Variants in FBXL5 observed in about 807,000 individuals in gnomAD.
FBXL5 encodes the protein F-box and leucine rich repeat protein 5.
A neutral mutation model predicts 78.3 loss-of-function variants in FBXL5; 26 were observed. That is an observed-to-expected ratio of 0.33 (90% CI 0.24 to 0.46). The LOEUF (loss-of-function observed/expected upper bound fraction) is 0.46, where lower values mean the gene tolerates loss of function less well. Among genes scored for constraint, FBXL5 ranks in the 20% least tolerant of loss-of-function variants. The pLI, the probability that FBXL5 is intolerant of heterozygous loss-of-function variation, is 1.00. For missense variants in FBXL5, 710 were observed against 829.2 expected, an observed-to-expected ratio of 0.86 and a Z score of 1.77; for synonymous variants, 295 against 282.5, an observed-to-expected ratio of 1.04 and a Z score of -0.45.
intron 6 of FBXL5, 48 bp from the exon 7 acceptor site, chr4:15,628,081 T>TAA: frequency 6.4e-7 from 1 of 1,573,886 alleles, no homozygotes; most frequent in Non-Finnish European, 8.7e-7. Flanking sequence ...CTGATAATAA[T>TAA]TAAGCTACTC....
chr4:15,614,183 G>C (rs928821034), intron 9 of FBXL5, among the ~76,000 whole-genome samples: 1 of 152,216 alleles, frequency 6.6e-6, no homozygotes, highest in Non-Finnish European at 1.5e-5. Context: ...CTTCCTGAGA[G>C]CCAAACTGCT....
chr4:15,612,779 T>A (rs1006859605), intron 9 of FBXL5, among the ~76,000 whole-genome samples: 1 of 152,026 alleles, frequency 6.6e-6, no homozygotes, highest in Non-Finnish European at 1.5e-5. Flanking sequence ...TAAAACCTAA[T>A]AAGCAGTTGG....
chr4:15,616,317 G>A (rs538039019), intron 9 of FBXL5, among the ~76,000 whole-genome samples: 3 of 152,292 alleles, frequency 2.0e-5, no homozygotes, highest in South Asian at 4.1e-4. Context: ...CAGGTCACCC[G>A]GGAAGTGGGG....
At chr4:15,654,333 T>C (rs1054418802) in intron 1 of FBXL5, among the ~76,000 whole-genome samples, 1 of 152,186 alleles carries the variant, frequency 6.6e-6, no homozygotes, top group Non-Finnish European at 1.5e-5. Flanking sequence ...AACTGACAAA[T>C]ACGTGGAATG....
chr4:15,639,863 G>C (rs550297242), intron 3 of FBXL5, among the ~76,000 whole-genome samples: 10 of 152,236 alleles, frequency 6.6e-5, no homozygotes, highest in Non-Finnish European at 8.8e-5. Flanking sequence ...CTATAGTTGA[G>C]AATCACTACA....
chr4:15,626,302 A>G (rs1191213381), intron 8 of FBXL5, among the ~76,000 whole-genome samples: 1 of 152,224 alleles, frequency 6.6e-6, no homozygotes, highest in Non-Finnish European at 1.5e-5. Flanking sequence ...AGAATAACCG[A>G]CGGTTAATGA....
chr4:15,621,315 G>A (rs773902134), intron 9 of FBXL5, among the ~76,000 whole-genome samples: 3 of 152,102 alleles, frequency 2.0e-5, no homozygotes, highest in Non-Finnish European at 4.4e-5. Context: ...TACTAGCAAT[G>A]AACAATTTGA....
chr4:15,654,373 G>A (rs1050961442), intron 1 of FBXL5, among the ~76,000 whole-genome samples: 2 of 152,082 alleles, frequency 1.3e-5, no homozygotes, highest in African/African-American at 4.8e-5. Context: ...ACTAGCAAAG[G>A]GCCCTGAACC....
intron 1 of FBXL5, among the ~76,000 whole-genome samples, chr4:15,670,277 C>G (rs1717705918): frequency 6.6e-6 from 1 of 152,106 alleles, no homozygotes; most frequent in Admixed American, 6.5e-5. Flanking sequence ...GGGTAAATAC[C>G]TAGGAGTAGA....
chr4:15,628,169 G>T, intron 6 of FBXL5, 136 bp from the exon 7 acceptor site: 1 of 866,284 alleles, frequency 1.2e-6, no homozygotes, highest in Non-Finnish European at 1.7e-6. Flanking sequence ...CCCATTTTTA[G>T]GCAATGAAAA....
chr4:15,630,598 T>A (rs920386561), intron 6 of FBXL5, 68 bp downstream of exon 6: 4 of 1,370,490 alleles, frequency 2.9e-6, no homozygotes, highest in Non-Finnish European at 3.9e-6. Context: ...TAATACCTAA[T>A]AATTATAAGT....
chr4:15,605,887 T>C, intron 10 of FBXL5, 88 bp from the exon 11 acceptor site: 1 of 916,020 alleles, frequency 1.1e-6, no homozygotes, highest in Non-Finnish European at 1.8e-6. Context: ...AAACATTCAT[T>C]GGTTTTACTA....
intron 1 of FBXL5, among the ~76,000 whole-genome samples, chr4:15,678,894 A>T (rs1718092524): frequency 6.6e-6 from 1 of 152,128 alleles, no homozygotes; most frequent in Non-Finnish European, 1.5e-5. Flanking sequence ...ATATTTGCAG[A>T]TCATCATAGC....
chr4:15,633,515 T>C (rs899686076), intron 5 of FBXL5, among the ~76,000 whole-genome samples: 1 of 152,208 alleles, frequency 6.6e-6, no homozygotes, highest in Non-Finnish European at 1.5e-5. Flanking sequence ...AAAGCTAAAC[T>C]ATAAATTTAT....
At chr4:15,616,878 A>G (rs1711944876) in intron 9 of FBXL5, among the ~76,000 whole-genome samples, 1 of 152,202 alleles carries the variant, frequency 6.6e-6, no homozygotes, top group African/African-American at 2.4e-5. Flanking sequence ...TCCCTGTCAC[A>G]CTTTGGGCAC....
chr4:15,642,975 C>A (rs1392497488), intron 2 of FBXL5, among the ~76,000 whole-genome samples: 1 of 152,146 alleles, frequency 6.6e-6, no homozygotes, highest in Admixed American at 6.5e-5. Context: ...TTATTTCCTA[C>A]ATAATTCTCA....
chr4:15,625,539 A>G lies in FBXL5; in HGVS notation c.1563T>C (p.Phe521=). ...SNFSCSTSGC[F]SKDIVGLRTS... The stretch of plus-strand genomic sequence containing the variant: ...TCCTTAGTCCAACAATGTCCTTACT[A>G]AAACAACCAGAGGTGGAACAACTAA... The change falls in exon 9 of 11, where the codon TTT becomes TTC. Residue 521 remains phenylalanine, a synonymous_variant. Transcript: ENST00000341285. 1.2e-6 allele frequency: 2 copies of G among 1,614,194 alleles called. No individual in the cohort carries two copies. Among genetic ancestry groups the G allele is most frequent in the Admixed American group, 1.7e-5 (1 of 60,032 alleles).
intron 2 of FBXL5, among the ~76,000 whole-genome samples, chr4:15,643,149 C>T (rs1715061647): frequency 6.6e-6 from 1 of 152,114 alleles, no homozygotes; most frequent in African/African-American, 2.4e-5. Context: ...CTATCTAGTA[C>T]CCTACCCCAA....
chr4:15,642,426 G>A (rs995246776), intron 2 of FBXL5, among the ~76,000 whole-genome samples: 1 of 151,826 alleles, frequency 6.6e-6, no homozygotes, highest in African/African-American at 2.4e-5. Context: ...AGTAGAGATG[G>A]GGTTTCACCA....
Sources: gnomAD v4.1 joint callset for allele counts (sites outside exome capture counted in the v4.1 genomes callset) on GRCh38, gnomAD v4.1.1 for gene constraint, MANE v1.5 for transcripts, NCBI Gene and HGNC (gene_info 2026-07-23, HGNC 2026-07-21) for gene names.